Variants in KCNMA1 observed in about 807,000 individuals in gnomAD.
The protein encoded by KCNMA1 is Calcium-activated potassium channel subunit alpha-1.
Under a neutral mutation model 140.0 loss-of-function variants are expected in KCNMA1, and 29 were observed. The observed-to-expected ratio is 0.21, with a 90% CI of 0.15 to 0.28. The LOEUF (loss-of-function observed/expected upper bound fraction) is 0.28. Among genes scored for constraint, KCNMA1 ranks in the 10% least tolerant of loss-of-function variants. KCNMA1 has a pLI of 1.00. For synonymous variants in KCNMA1, 612 were observed against 611.9 expected (o/e 1.00, Z 0.00); for missense variants, 880 against 1,602.2 (o/e 0.55, Z 7.70).
chr10:77,616,985 G>A (rs115437231), intron 1 of KCNMA1, among the ~76,000 whole-genome samples: 2,618 of 152,216 alleles, frequency 0.017, 72 homozygotes, highest in African/African-American at 0.06. Context: ...GGCTCCAGAG[G>A]GCATGTCCCT....
At chr10:77,552,869 T>C (rs1027802378) in intron 1 of KCNMA1, among the ~76,000 whole-genome samples, 2 of 152,038 alleles carry the variant, frequency 1.3e-5, no homozygotes, top group African/African-American at 4.8e-5. Context: ...GCCAACATGG[T>C]GAAACCCTGT....
intron 3 of KCNMA1, among the ~76,000 whole-genome samples, chr10:77,223,771 G>A (rs1221695298): frequency 2.0e-5 from 3 of 152,120 alleles, no homozygotes; most frequent in Admixed American, 6.5e-5. Context: ...GGGTGTGCTT[G>A]GATCTGGTAG....
intron 1 of KCNMA1, among the ~76,000 whole-genome samples, chr10:77,487,646 A>T (rs1292548338): frequency 2.6e-5 from 4 of 152,136 alleles, no homozygotes; most frequent in Admixed American, 6.5e-5. Flanking sequence ...CCTTGAGGCA[A>T]TTTTTCTCTT....
chr10:77,041,746 A>T (rs758961150), intron 14 of KCNMA1, among the ~76,000 whole-genome samples: 2 of 152,144 alleles, frequency 1.3e-5, no homozygotes, highest in Non-Finnish European at 2.9e-5. Context: ...CTTCCCTTCC[A>T]GTGGGGGCAT....
At chr10:77,018,978 G>T (rs1253985925) in intron 17 of KCNMA1, 35 bp downstream of exon 17, 4 of 1,240,508 alleles carry the variant, frequency 3.2e-6, no homozygotes, top group Non-Finnish European at 3.6e-6. Flanking sequence ...CTACAGCCGG[G>T]CCAGAAAGAA....
At chr10:77,286,049 C>T (rs1363700088) in intron 2 of KCNMA1, among the ~76,000 whole-genome samples, 1 of 152,162 alleles carries the variant, frequency 6.6e-6, no homozygotes, top group Admixed American at 6.5e-5. Flanking sequence ...GTTTCCTTAT[C>T]TCTATCACTC....
chr10:77,012,188 A>C, intron 17 of KCNMA1, 145 bp from the exon 18 acceptor site: 1 of 1,526,886 alleles, frequency 6.5e-7, no homozygotes. Context: ...AGACATTTGC[A>C]GACGGAAATG....
At chr10:76,870,406 G>C (rs1432170741) in exon 28 of KCNMA1, 3 of 152,296 alleles carry the variant, frequency 2.0e-5, no homozygotes, top group Middle Eastern at 3.2e-3. Flanking sequence ...CCCCTGTTCT[G>C]TTAACTAGCA....
At chr10:77,040,568 T>C (rs978586685) in intron 14 of KCNMA1, among the ~76,000 whole-genome samples, 71 of 152,220 alleles carry the variant, frequency 4.7e-4, no homozygotes, top group Non-Finnish European at 7.3e-4. Context: ...TATAGTTATC[T>C]GAATGTTTGT....
At chr10:77,079,369 AGTGTGTGT>A (rs68133946) in intron 13 of KCNMA1, 104 bp downstream of exon 13, 15 of 662,430 alleles carry the variant, frequency 2.3e-5, no homozygotes, top group African/African-American at 7.4e-5. Flanking sequence ...GGCATGTGAG[AGTGTGTGT>A]GTGTGTGTGT....
chr10:77,181,060 A>G (rs1043195706), intron 5 of KCNMA1, among the ~76,000 whole-genome samples: 24 of 152,154 alleles, frequency 1.6e-4, no homozygotes, highest in Non-Finnish European at 3.2e-4. Flanking sequence ...TGTTCTGCTC[A>G]CTGCAGAGGA....
chr10:77,193,620 A>G (rs1251359885), intron 3 of KCNMA1, among the ~76,000 whole-genome samples: 1 of 152,214 alleles, frequency 6.6e-6, no homozygotes, highest in African/African-American at 2.4e-5. Context: ...TGAGCCATGT[A>G]TAGGTATGGA....
chr10:77,065,263 C>G (rs1281737462), intron 14 of KCNMA1, among the ~76,000 whole-genome samples: 1 of 152,160 alleles, frequency 6.6e-6, no homozygotes, highest in Non-Finnish European at 1.5e-5. Context: ...CGGGAAAAAA[C>G]AAAGCCAAGA....
chr10:77,205,121 G>C (rs535037302), intron 3 of KCNMA1, among the ~76,000 whole-genome samples: 106 of 152,250 alleles, frequency 7.0e-4, no homozygotes, highest in African/African-American at 2.5e-3. Flanking sequence ...GCTGTCTCAG[G>C]GTAATGGGTC....
chr10:77,205,930 T>C (rs1431320179), intron 3 of KCNMA1, among the ~76,000 whole-genome samples: 1 of 152,214 alleles, frequency 6.6e-6, no homozygotes, highest in East Asian at 1.9e-4. Flanking sequence ...TATGAGCTAA[T>C]AGTATAGAAG....
At chr10:77,454,192 C>T (rs76365193) in intron 1 of KCNMA1, among the ~76,000 whole-genome samples, 2,980 of 152,180 alleles carry the variant, frequency 0.02, 104 homozygotes, top group African/African-American at 0.068. Context: ...AAAAATTGAA[C>T]CCATAATGAA....
In KCNMA1 at chr10:77,022,982, C is replaced by T. The variant is rs751010483; in HGVS notation, c.1929-3883G>A. On this transcript the variant is annotated intron_variant, in intron 16 of 27. Transcript: ENST00000286628. ...GATTTCAACATTGAAAGCAAAACTT[C>T]AAAGAGAAATATGGGTTCCTAGACA... 3.3e-5 allele frequency: 15 copies of T among 454,710 alleles called. 1 individual carries two copies. The highest frequency in any genetic ancestry group is 3.3e-4 in the Middle Eastern group (1 of 3,052). 28.2% of individuals were successfully genotyped at this position (454,710 alleles called of 1,614,324 possible). A position where few individuals can be genotyped will look rare whatever the true frequency, so the allele number is the denominator to read the frequency against.
At chr10:77,249,044 G>A (rs974065319) in intron 3 of KCNMA1, among the ~76,000 whole-genome samples, 14 of 152,198 alleles carry the variant, frequency 9.2e-5, no homozygotes, top group Admixed American at 8.5e-4. Flanking sequence ...AAATCACACA[G>A]TTTAGCAACA....
chr10:77,550,158 G>C (rs1816600708), intron 1 of KCNMA1, among the ~76,000 whole-genome samples: 2 of 152,184 alleles, frequency 1.3e-5, no homozygotes, highest in African/African-American at 4.8e-5. Flanking sequence ...TCAGAGCAAA[G>C]GAGAAAAGAA....
Sources: gnomAD v4.1 joint callset for allele counts (sites outside exome capture counted in the v4.1 genomes callset) on GRCh38, gnomAD v4.1.1 for gene constraint, MANE v1.5 for transcripts, NCBI Gene and HGNC (gene_info 2026-07-23, HGNC 2026-07-21) for gene names.